Variants in ANAPC2 observed in about 807,000 individuals in gnomAD.
The protein encoded by ANAPC2 is anaphase-promoting complex subunit 2.
In ANAPC2, 29 loss-of-function variants were observed where a neutral mutation model predicts 84.3. That is an observed-to-expected ratio of 0.34 (90% CI 0.26 to 0.47). The LOEUF (loss-of-function observed/expected upper bound fraction) is 0.47. Among genes scored for constraint, ANAPC2 ranks in the 20% least tolerant of loss-of-function variants. The pLI, the probability that ANAPC2 is intolerant of heterozygous loss-of-function variation, is 1.00. For synonymous variants in ANAPC2, 571 were observed against 479.4 expected, an observed-to-expected ratio of 1.19 and a Z score of -2.50; for missense variants, 857 against 1,131.7, an observed-to-expected ratio of 0.76 and a Z score of 3.48.
intron 6 of ANAPC2, among the ~76,000 whole-genome samples, chr9:137,182,616 C>G (rs1054941443): frequency 6.6e-6 from 1 of 152,198 alleles, no homozygotes; most frequent in African/African-American, 2.4e-5. Flanking sequence ...TCCTGCTGCT[C>G]GGCTCCTGGG....
In ANAPC2 at chr9:137,188,432, G is replaced by A. The variant is rs746894266; in HGVS notation, c.101C>T (p.Pro34Leu). 18 of 1,608,640 alleles carry A rather than the reference G, an allele frequency of 1.1e-5. No homozygotes were observed. The highest frequency in any genetic ancestry group is 1.3e-5 in the Non-Finnish European group (15 of 1,179,314). The change falls in exon 1 of 13, where the codon CCG (proline) becomes CTG (leucine). Residue 34 changes from proline (P) to leucine (L), a missense_variant. Around this residue, in one of 3 missense-constraint regions of ANAPC2, gnomAD observed 428 missense variants for 513.8 expected, o/e 0.83. Transcript: ENST00000323927. The stretch of plus-strand genomic sequence containing the variant: ...AGGCCTCACCAGCCCCAGCGCAGCC[G>A]GCGGCACCAGGCCGGTGCTCACGGT... Reference protein sequence around the residue: ...WNTVSTGLVPPAALGLVSSRT... With the variant: ...WNTVSTGLVPLAALGLVSSRT...
At chr9:137,183,848 C>A in intron 4 of ANAPC2, 57 bp from the exon 5 acceptor site, 1 of 1,595,714 alleles carries the variant, frequency 6.3e-7, no homozygotes, top group Non-Finnish European at 8.6e-7. Flanking sequence ...CACGTGCAGG[C>A]TGGTGCAGAG....
chr9:137,177,413 G>A (rs939475006), intron 10 of ANAPC2, among the ~76,000 whole-genome samples: 75 of 148,026 alleles, frequency 5.1e-4, no homozygotes, highest in African/African-American at 1.8e-3. Context: ...ATTTCACGGC[G>A]TCCCAGCTGG....
Position 137,179,474 on chromosome 9 carries a change from G to A in ANAPC2, c.1890+707C>T, listed in dbSNP as rs190079002. 4.7e-3 allele frequency among the ~76,000 whole-genome samples: 714 copies of A among 152,256 alleles called. 6 individuals carry two copies. Among genetic ancestry groups the A allele is most frequent in the Admixed American group, 8.6e-3 (132 of 15,298 alleles). Reference sequence around the variant, plus strand: ...TAGTTCCATCCCTCAGGCTCTGGACGCCTGTACTGGGACTGCTGGGATCTC... The same window carrying A: ...TAGTTCCATCCCTCAGGCTCTGGACACCTGTACTGGGACTGCTGGGATCTC... On this transcript the variant is annotated intron_variant, in intron 10 of 12. Transcript: ENST00000323927.
In ANAPC2 at chr9:137,175,086, G is replaced by A; in HGVS notation, c.2325C>T (p.Asn775=). The change falls in exon 13 of 13, where the codon AAC becomes AAT. Residue 775 remains asparagine (N), a synonymous_variant. Transcript: ENST00000323927. ...CAGTCACCACAAACATGCGGAGCAT[G>A]TTGTAGATACGATCCAGTGAGAGGC... ...LESLSLDRIY[N]MLRMFVVTGP... 1.9e-6 allele frequency: 3 copies of A among 1,608,800 alleles called. No homozygotes were observed. The highest frequency in any genetic ancestry group is 2.5e-6 in the Non-Finnish European group (3 of 1,178,248).
rs1834429025 is a variant in ANAPC2 at position 137,184,950 on chromosome 9, G to A, written c.1011C>T (p.Ala337=). 1 of 1,612,718 alleles carries A rather than the reference G, an allele frequency of 6.2e-7. No individual in the cohort carries two copies. The highest frequency in any genetic ancestry group is 8.5e-7 in the Non-Finnish European group (1 of 1,179,718). ...TGAAGAGCTCCTCGATGCGCAGGCT[G>A]GCGTAGATGCGGTAGAAGAACCTTT... ...HVQRFFYRIY[A]SLRIEELFSI... is the part of the protein sequence containing the mutation. Residue 337 remains alanine (A), a synonymous_variant, in exon 4 of 13, where the codon GCC becomes GCT. Transcript: ENST00000323927.
At chr9:137,185,316 G>A (rs1401309212) in intron 3 of ANAPC2, among the ~76,000 whole-genome samples, 3 of 152,218 alleles carry the variant, frequency 2.0e-5, no homozygotes, top group Non-Finnish European at 4.4e-5. Context: ...ACACGCGCCA[G>A]TGCCCACACT....
Position 137,182,495 on chromosome 9 carries a change from T to A in ANAPC2, c.1286+630A>T, listed in dbSNP as rs9776871. On this transcript the variant is annotated intron_variant, in intron 6 of 12. Transcript: ENST00000323927. Reference sequence around the variant, plus strand: ...CTGCACTCCAGCCTGGGCGAAAGAGTGAGACTCCATCTCAAAAAAAAAAGA... The same window carrying A: ...CTGCACTCCAGCCTGGGCGAAAGAGAGAGACTCCATCTCAAAAAAAAAAGA... 3.5e-3 allele frequency among the ~76,000 whole-genome samples: 532 copies of A among 150,170 alleles called. 1 individual carries two copies. Among genetic ancestry groups the A allele is most frequent in the African/African-American group, 0.013 (515 of 40,846 alleles).
At chr9:137,182,007 G>C in intron 6 of ANAPC2, 145 bp from the exon 7 acceptor site, 2 of 836,872 alleles carry the variant, frequency 2.4e-6, no homozygotes, top group Non-Finnish European at 3.5e-6. Context: ...ACTAAACACA[G>C]GCCCGTCAGA....
At chr9:137,183,456 G>A (rs983417552) in intron 5 of ANAPC2, 3 of 788,478 alleles carry the variant, frequency 3.8e-6, no homozygotes, top group South Asian at 3.6e-5. Context: ...CATCACCTCA[G>A]ACCTACCGGT....
At chr9:137,175,210 G>A (rs1328973708) in intron 12 of ANAPC2, 27 bp downstream of exon 12, 12 of 1,607,016 alleles carry the variant, frequency 7.5e-6, no homozygotes, top group Non-Finnish European at 1.0e-5. Context: ...CCCGCCCCCT[G>A]GCCCCCCGTG....
At position 137,181,732 on chromosome 9, in the gene ANAPC2, C is replaced by A. The variant is rs765313489; in HGVS notation, c.1417G>T (p.Asp473Tyr). ...ACCCAGTCCTCTGGCTCGCCTGAGT[C>A]ATCCTCACTGTCCTGGCCTGTCTCC... ...SLETGQDSED[D>Y]SGEPEDWVPD... Residue 473 changes from aspartate (D) to tyrosine (Y), a missense_variant, in exon 7 of 13, where the codon GAC becomes TAC. Physicochemically the swap from Asp to Tyr is radical, Grantham distance 160 (BLOSUM62 -3). Transcript: ENST00000323927. The A allele has an allele frequency of 6.2e-7, 1 of 1,612,340 alleles. No homozygotes were observed. Among genetic ancestry groups the A allele is most frequent in the East Asian group, 2.2e-5 (1 of 44,882 alleles).
chr9:137,175,718 A>C lies in ANAPC2; in HGVS notation c.2010T>G (p.Phe670Leu). 1 of 1,611,362 alleles carries C rather than the reference A, an allele frequency of 6.2e-7. No individual in the cohort carries two copies. Among genetic ancestry groups the C allele is most frequent in the Non-Finnish European group, 8.5e-7 (1 of 1,179,192 alleles). ...TPVQAVILLY[F>L]QDQASWTLEE... is the part of the protein sequence containing the mutation. ...GGCTGGTGGGCTCACCTTGGTCCTG[A>C]AAATACAGCAAGATCACCGCCTGTA... is the stretch of plus-strand genomic sequence containing the variant. Residue 670 changes from phenylalanine to leucine, a missense_variant, in exon 11 of 13, where the codon TTT becomes TTG. Physicochemically the swap from Phe to Leu is conservative, Grantham distance 22. Around this residue, in one of 3 missense-constraint regions of ANAPC2, gnomAD observed 425 missense variants for 595.5 expected, o/e 0.71. Transcript: ENST00000323927.
At position 137,186,372 on chromosome 9, in the gene ANAPC2, G is replaced by A; in HGVS notation, c.741-16C>T. On this transcript the variant is annotated splice_polypyrimidine_tract_variant and intron_variant, in intron 2 of 12. Transcript: ENST00000323927. Reference sequence around the variant, plus strand: ...GAGCCTGTGTCTAGAGGAGAGCCCTGGCCATGGGGCACCCAGAGCACACAC... The same window carrying A: ...GAGCCTGTGTCTAGAGGAGAGCCCTAGCCATGGGGCACCCAGAGCACACAC... 6.3e-7 allele frequency: 1 copy of A among 1,586,252 alleles called. No individual in the cohort carries two copies. Among genetic ancestry groups the A allele is most frequent in the South Asian group, 1.1e-5 (1 of 88,286 alleles).
Position 137,174,868 on chromosome 9 carries a change from C to CG in ANAPC2, c.*73dup. ...CAGTGCATTCTGGGACACGGGCGGG[C>CG]GGGGGCTGGCACGGGAGGACGAGAG... is the stretch of plus-strand genomic sequence containing the variant. On this transcript the variant is annotated 3_prime_UTR_variant, in exon 13 of 13. Transcript: ENST00000323927. This position sits in a 1 kb window ranked among gnomAD's most constrained non-coding sequence, Gnocchi z 6.1. 9.9e-7 allele frequency: 1 copy of CG among 1,012,070 alleles called. No homozygotes were observed. The highest frequency in any genetic ancestry group is 1.6e-5 in the South Asian group (1 of 64,130). The allele number at this position is 1,012,070 out of a possible 1,614,324, so 62.7% of individuals were successfully genotyped here.
chr9:137,181,158 G>A (rs889228204), intron 7 of ANAPC2, among the ~76,000 whole-genome samples: 1 of 152,226 alleles, frequency 6.6e-6, no homozygotes, highest in African/African-American at 2.4e-5. Context: ...GGACTCCCAT[G>A]CAGGCTTAGG....
At chr9:137,179,255 C>T (rs1469021374) in intron 10 of ANAPC2, among the ~76,000 whole-genome samples, 2 of 152,146 alleles carry the variant, frequency 1.3e-5, no homozygotes, top group African/African-American at 4.8e-5. Flanking sequence ...CAGTCCTGAG[C>T]ACTCGCTGGG....
At chr9:137,184,390 G>C in intron 4 of ANAPC2, among the ~76,000 whole-genome samples, 1 of 150,744 alleles carries the variant, frequency 6.6e-6, no homozygotes, top group African/African-American at 2.4e-5. Flanking sequence ...TGAAGGCACG[G>C]GGAGCCCAGA....
chr9:137,188,161 G>C (rs1252905172), intron 1 of ANAPC2, 58 bp from the exon 2 acceptor site: 1 of 1,562,896 alleles, frequency 6.4e-7, no homozygotes. Context: ...GGGAGAGGCG[G>C]GGAAGGGAAG....
Sources: gnomAD v4.1 joint callset for allele counts (sites outside exome capture counted in the v4.1 genomes callset) on GRCh38, gnomAD v4.1.1 for gene constraint, gnomAD v4.1.1 regional missense constraint, Gnocchi (gnomAD v3.1) non-coding constraint, MANE v1.5 for transcripts, NCBI Gene and HGNC (gene_info 2026-07-23, HGNC 2026-07-21) for gene names.